The following KIF13A variants were observed in gnomAD, a reference collection of about 807,000 sequenced individuals.
KIF13A encodes the protein kinesin family member 13A.
In KIF13A, 79 loss-of-function variants were observed where a neutral mutation model predicts 212.2. That is an observed-to-expected ratio of 0.37 (90% CI 0.31 to 0.45). KIF13A has a LOEUF of 0.45. Among genes scored for constraint, KIF13A ranks in the 20% least tolerant of loss-of-function variants. The pLI is 1.00. For synonymous variants in KIF13A, 789 were observed against 808.6 expected, an observed-to-expected ratio of 0.98 and a Z score of 0.41; for missense variants, 1,901 against 2,209.0, an observed-to-expected ratio of 0.86 and a Z score of 2.79.
In KIF13A at chr6:17,915,412, G is replaced by A. The variant is rs891808232; in HGVS notation, c.147-17232C>T. ...TATTATAAAGCTTTTAAAAGCAGCA[G>A]AGTAACACACGCGATGCAAGGCCCC... is the stretch of plus-strand genomic sequence containing the variant. On this transcript the variant is annotated intron_variant, in intron 2 of 38. Transcript: ENST00000259711. The surrounding 1 kb of genome is among the most constrained non-coding windows in gnomAD (Gnocchi z 4.4). Among the ~76,000 whole-genome samples, 1 of 152,216 alleles carries A rather than the reference G, an allele frequency of 6.6e-6. No homozygotes were observed. The highest frequency in any genetic ancestry group is 1.5e-5 in the Non-Finnish European group (1 of 68,036).
At position 17,763,943 on chromosome 6, in the gene KIF13A, G is replaced by C. The variant is rs1758717263; in HGVS notation, c.*167C>G. The C allele has an allele frequency of 1.4e-6, 2 of 1,436,960 alleles. No homozygotes were observed. Among genetic ancestry groups the C allele is most frequent in the African/African-American group, 2.9e-5 (2 of 69,614 alleles). The allele number at this position is 1,436,960 out of a possible 1,614,324, so 89.0% of individuals were successfully genotyped here. On this transcript the variant is annotated 3_prime_UTR_variant, in exon 39 of 39. Transcript: ENST00000259711. The stretch of plus-strand genomic sequence containing the variant: ...CCACTGGTCTTATAATTTCACAATT[G>C]CGTTCTAGTTCCCAAAACAGACTTG...
At chr6:17,775,114 G>GT in intron 34 of KIF13A, 52 bp from the exon 35 acceptor site, 2 of 1,431,820 alleles carry the variant, frequency 1.4e-6, no homozygotes, top group Non-Finnish European at 1.9e-6. Context: ...TAATATAAGG[G>GT]GTTTTTTTTA....
At chr6:17,793,738 T>A (rs1761803587) in intron 25 of KIF13A, among the ~76,000 whole-genome samples, 1 of 150,268 alleles carries the variant, frequency 6.7e-6, no homozygotes, top group African/African-American at 2.5e-5. Flanking sequence ...CAGAATGACA[T>A]GCCCTTCTCT....
rs927871471 is a variant in KIF13A, at chr6:17,886,872, T to C, written c.159+11296A>G. ...CCCTATGTTTCTGAGGATTGTTTTG[T>C]TGTCGTTGTTAAAAAGAGGAAAAAA... On this transcript the variant is annotated intron_variant, in intron 3 of 38. Transcript: ENST00000259711. This position sits in a 1 kb window ranked among gnomAD's most constrained non-coding sequence, Gnocchi z 5.6. Among the ~76,000 whole-genome samples, 39 of 152,036 alleles carry C rather than the reference T, an allele frequency of 2.6e-4. No individual in the cohort carries two copies. The highest frequency in any genetic ancestry group is 2.2e-3 in the Admixed American group (33 of 15,270).
At chr6:17,909,138 C>A (rs949217127) in intron 2 of KIF13A, among the ~76,000 whole-genome samples, 1 of 152,198 alleles carries the variant, frequency 6.6e-6, no homozygotes, top group Non-Finnish European at 1.5e-5. Flanking sequence ...CAATTATACA[C>A]GCAAAATGTC....
At chr6:17,868,278 A>G (rs1164656611) in intron 4 of KIF13A, among the ~76,000 whole-genome samples, 3 of 152,208 alleles carry the variant, frequency 2.0e-5, no homozygotes, top group Admixed American at 1.3e-4. Context: ...AACCAAAGTT[A>G]CTGGAAGTCA....
rs1434834027 is a variant in KIF13A at position 17,900,614 on chromosome 6, C to T, written c.147-2434G>A. 1.3e-5 allele frequency among the ~76,000 whole-genome samples: 2 copies of T among 152,220 alleles called. No homozygotes were observed. Among genetic ancestry groups the T allele is most frequent in the African/African-American group, 2.4e-5 (1 of 41,460 alleles). The stretch of plus-strand genomic sequence containing the variant: ...ATTCATTTTAGAACAAGGACCCTTG[C>T]TACAGAAGGAAAAGTAAACCCTGTA... On this transcript the variant is annotated intron_variant, in intron 2 of 38. Coordinates refer to ENST00000259711, the MANE Select transcript of KIF13A (RefSeq NM_022113.6). This position sits in a 1 kb window ranked among gnomAD's most constrained non-coding sequence, Gnocchi z 4.6.
chr6:17,892,502 A>G lies in KIF13A; in HGVS notation c.159+5666T>C, dbSNP rs777180228. On this transcript the variant is annotated intron_variant, in intron 3 of 38. Transcript: ENST00000259711. This position sits in a 1 kb window ranked among gnomAD's most constrained non-coding sequence, Gnocchi z 4.7. Reference sequence around the variant, plus strand: ...CTGGGTGATACATCACTGTGCAGTGATAAGAGTGTCTTTTGTATGCTAATG... The same window carrying G: ...CTGGGTGATACATCACTGTGCAGTGGTAAGAGTGTCTTTTGTATGCTAATG... 1.4e-4 allele frequency among the ~76,000 whole-genome samples: 21 copies of G among 152,248 alleles called. No homozygotes were observed. The highest frequency in any genetic ancestry group is 5.2e-4 in the Admixed American group (8 of 15,288).
intron 4 of KIF13A, among the ~76,000 whole-genome samples, chr6:17,869,247 C>T (rs982844560): frequency 2.0e-5 from 3 of 152,012 alleles, no homozygotes; most frequent in Admixed American, 1.3e-4. Context: ...AGAAATTATC[C>T]TGCCCAAGGT....
intron 17 of KIF13A, among the ~76,000 whole-genome samples, chr6:17,814,152 C>A (rs537874755): frequency 2.0e-5 from 3 of 151,446 alleles, no homozygotes; most frequent in Non-Finnish European, 2.9e-5. Flanking sequence ...GGGGTTTCAC[C>A]TTGTTAGCCA....
Position 17,982,970 on chromosome 6 carries a change from A to G in KIF13A, c.146+4084T>C, listed in dbSNP as rs1030763701. ...CGGATTACAAGGTCAGGAGTTTGAGACCAGCCTGGCCAACATAGTGAAACC... is the reference window on the plus strand; with the variant it reads ...CGGATTACAAGGTCAGGAGTTTGAGGCCAGCCTGGCCAACATAGTGAAACC... On this transcript the variant is annotated intron_variant, in intron 2 of 38. Coordinates refer to ENST00000259711, the MANE Select transcript of KIF13A (RefSeq NM_022113.6). This position sits in a 1 kb window ranked among gnomAD's most constrained non-coding sequence, Gnocchi z 5.1. 6.6e-6 allele frequency among the ~76,000 whole-genome samples: 1 copy of G among 152,132 alleles called. No individual in the cohort carries two copies. Among genetic ancestry groups the G allele is most frequent in the African/African-American group, 2.4e-5 (1 of 41,438 alleles).
rs1232807099 is a variant in KIF13A, at chr6:17,934,999, C to CT, written c.147-36820dup. On this transcript the variant is annotated intron_variant, in intron 2 of 38. Coordinates refer to ENST00000259711, the MANE Select transcript of KIF13A (RefSeq NM_022113.6). This position sits in a 1 kb window ranked among gnomAD's most constrained non-coding sequence, Gnocchi z 5.4. ...AGTTCCTTTACACCTGTGCTCCAGGCTTCCCACCACGCTAAGGGCAACAGC... is the reference window on the plus strand; with the variant it reads ...AGTTCCTTTACACCTGTGCTCCAGGCTTTCCCACCACGCTAAGGGCAACAGC... Among the ~76,000 whole-genome samples the CT allele has an allele frequency of 6.6e-6, 1 of 152,146 alleles. No individual in the cohort carries two copies. Among genetic ancestry groups the CT allele is most frequent in the Non-Finnish European group, 1.5e-5 (1 of 68,034 alleles).
In KIF13A at chr6:17,849,497, T is replaced by A. The variant is rs747962977; in HGVS notation, c.718-8A>T. ...GACTTTCTCCCCGGAATTCTAGTTATAGGAAACGAGAGAGAGAAGAAAAAC... is the reference window on the plus strand; with the variant it reads ...GACTTTCTCCCCGGAATTCTAGTTAAAGGAAACGAGAGAGAGAAGAAAAAC... On this transcript the variant is annotated splice_region_variant and splice_polypyrimidine_tract_variant and intron_variant, in intron 8 of 38. Transcript: ENST00000259711. This position sits in a 1 kb window ranked among gnomAD's most constrained non-coding sequence, Gnocchi z 5.7. 1.2e-6 allele frequency: 2 copies of A among 1,605,404 alleles called. No homozygotes were observed. The highest frequency in any genetic ancestry group is 3.3e-5 in the Admixed American group (2 of 59,716).
rs1156465707 is a variant in KIF13A, at chr6:17,982,549, A to T, written c.146+4505T>A. Among the ~76,000 whole-genome samples, 1 of 152,222 alleles carries T rather than the reference A, an allele frequency of 6.6e-6. No homozygotes were observed. Among genetic ancestry groups the T allele is most frequent in the Non-Finnish European group, 1.5e-5 (1 of 68,032 alleles). On this transcript the variant is annotated intron_variant, in intron 2 of 38. Transcript: ENST00000259711. The surrounding 1 kb of genome is among the most constrained non-coding windows in gnomAD (Gnocchi z 5.1). ...TGCAAGGTGTATTGTTCATCCTGCC[A>T]TATGGAAAAAATGAACAGGAAGCTA...
In KIF13A at chr6:17,886,501, G is replaced by A. The variant is rs1771553561; in HGVS notation, c.159+11667C>T. Among the ~76,000 whole-genome samples, 2 of 152,192 alleles carry A rather than the reference G, an allele frequency of 1.3e-5. No homozygotes were observed. The highest frequency in any genetic ancestry group is 1.3e-4 in the Admixed American group (2 of 15,282). On this transcript the variant is annotated intron_variant, in intron 3 of 38. Transcript: ENST00000259711. The surrounding 1 kb of genome is among the most constrained non-coding windows in gnomAD (Gnocchi z 5.6). ...GGTCCAGAAGGCTTTCACTATTCTA[G>A]ACAGGGAGATGGATCAACACCAAGA...
At chr6:17,875,032 T>C (rs1047753930) in intron 3 of KIF13A, among the ~76,000 whole-genome samples, 17 of 103,820 alleles carry the variant, frequency 1.6e-4, no homozygotes, top group Non-Finnish European at 3.6e-4. Context: ...CACAGCATGG[T>C]TCCTTTATCC....
chr6:17,940,984 C>T (rs1158120925), intron 2 of KIF13A, among the ~76,000 whole-genome samples: 1 of 151,992 alleles, frequency 6.6e-6, no homozygotes, highest in Non-Finnish European at 1.5e-5. Flanking sequence ...CACCATCATG[C>T]CTGGCTAATT....
At position 17,785,763 on chromosome 6, in the gene KIF13A, A is replaced by C. The variant is rs545215046; in HGVS notation, c.3362-122T>G. 1.1e-5 allele frequency: 11 copies of C among 1,020,552 alleles called. No individual in the cohort carries two copies. The South Asian group carries it at 1.5e-4, about 14-fold the overall frequency. The allele number at this position is 1,020,552 out of a possible 1,614,324, so 63.2% of individuals were successfully genotyped here. On this transcript the variant is annotated intron_variant, in intron 27 of 38. Transcript: ENST00000259711. The surrounding 1 kb of genome is among the most constrained non-coding windows in gnomAD (Gnocchi z 5.8). ...CCCCATCTCTACCAAAAAAAAAAAA[A>C]TAGTTGGGCAGGGTGGTGGTACGCA...
At chr6:17,790,922 C>T (rs1377243165) in intron 25 of KIF13A, among the ~76,000 whole-genome samples, 4 of 151,886 alleles carry the variant, frequency 2.6e-5, no homozygotes, top group Non-Finnish European at 5.9e-5. Flanking sequence ...AATAAATAAA[C>T]AAAGTAACAA....
Sources: gnomAD v4.1 joint callset for allele counts (sites outside exome capture counted in the v4.1 genomes callset) on GRCh38, gnomAD v4.1.1 for gene constraint, Gnocchi (gnomAD v3.1) non-coding constraint, MANE v1.5 for transcripts, NCBI Gene and HGNC (gene_info 2026-07-23, HGNC 2026-07-21) for gene names.